The following CEP55 variants were observed in gnomAD, a reference collection of about 807,000 sequenced individuals.
The protein encoded by CEP55 is centrosomal protein of 55 kDa.
CEP55 carries 57 observed loss-of-function variants against 63.2 expected under a neutral mutation model. That is an observed-to-expected ratio of 0.90 (90% CI 0.73 to 1.13). The LOEUF (loss-of-function observed/expected upper bound fraction) is 1.13, where lower values mean the gene tolerates loss of function less well. Ranked by LOEUF, CEP55 falls within the 50% of genes most tolerant of loss-of-function variation. The probability of loss-of-function intolerance (pLI) is 0.00; values close to 1 mark genes in which losing one functional copy is unlikely to be tolerated. For missense variants in CEP55, 456 were observed against 518.9 expected (o/e 0.88, Z 1.18); for synonymous variants, 178 against 191.6 (o/e 0.93, Z 0.59).
intron 1 of CEP55, among the ~76,000 whole-genome samples, chr10:93,498,829 A>C (rs2057601645): frequency 6.7e-6 from 1 of 149,328 alleles, no homozygotes. Context: ...TTTTTAAACC[A>C]GTTTACACCC....
intron 8 of CEP55, among the ~76,000 whole-genome samples, chr10:93,523,651 A>G (rs573145178): frequency 1.3e-5 from 2 of 152,200 alleles, no homozygotes; most frequent in Non-Finnish European, 2.9e-5. Context: ...TCTCAGCACC[A>G]CACCGCACTT....
Position 93,519,746 on chromosome 10 carries a change from T to C in CEP55, c.1130T>C (p.Leu377Ser). The C allele has an allele frequency of 6.2e-7, 1 of 1,614,152 alleles. No individual in the cohort carries two copies. The highest frequency in any genetic ancestry group is 1.1e-5 in the South Asian group (1 of 91,080). Residue 377 changes from leucine to serine, a missense_variant, in exon 8 of 9, where the codon TTG becomes TCG. Transcript: ENST00000371485. ...GACCGTCAACATGTGCAGCATCAATTGCATGTAATTCTTAAGGAGCTCCGA... is the reference window on the plus strand; with the variant it reads ...GACCGTCAACATGTGCAGCATCAATCGCATGTAATTCTTAAGGAGCTCCGA... ...KLDRQHVQHQLHVILKELRKA... is the reference protein window; with the variant it reads ...KLDRQHVQHQSHVILKELRKA...
chr10:93,523,199 A>C (rs900717090), intron 8 of CEP55, among the ~76,000 whole-genome samples: 1 of 152,204 alleles, frequency 6.6e-6, no homozygotes, highest in Admixed American at 6.5e-5. Flanking sequence ...AACCCATCTC[A>C]CATGCAGTGA....
chr10:93,509,119 A>G (rs1472477189), intron 4 of CEP55, among the ~76,000 whole-genome samples: 1 of 152,172 alleles, frequency 6.6e-6, no homozygotes, highest in African/African-American at 2.4e-5. Context: ...CTTTTTAGGC[A>G]TCTCAGTGCT....
At chr10:93,523,901 G>A (rs989707428) in intron 8 of CEP55, among the ~76,000 whole-genome samples, 1 of 152,196 alleles carries the variant, frequency 6.6e-6, no homozygotes, top group Non-Finnish European at 1.5e-5. Flanking sequence ...TGAGAACAAA[G>A]ATGCAACATA....
At chr10:93,500,365 A>G (rs2134454779) in intron 2 of CEP55, 131 bp downstream of exon 2, 1 of 768,346 alleles carries the variant, frequency 1.3e-6, no homozygotes. Context: ...GAAAGCTGAC[A>G]TTGGGTTTAG....
chr10:93,528,409 T>C lies in CEP55; in HGVS notation c.*256T>C, dbSNP rs1431210482. On this transcript the variant is annotated 3_prime_UTR_variant, in exon 9 of 9. Transcript: ENST00000371485. ...GCGTCTACTGAGACTACTAACATTT[T>C]GCACTGTCAAAATACTTGGTGAGGA... 2.1e-6 allele frequency: 1 copy of C among 469,766 alleles called. No homozygotes were observed. Among genetic ancestry groups the C allele is most frequent in the African/African-American group, 2.0e-5 (1 of 50,478 alleles). 29.1% of individuals were successfully genotyped at this position (469,766 alleles called of 1,614,324 possible).
chr10:93,505,049 T>A (rs2057674545), intron 3 of CEP55, among the ~76,000 whole-genome samples: 1 of 152,172 alleles, frequency 6.6e-6, no homozygotes, highest in Middle Eastern at 3.2e-3. Context: ...TTACCTCAGG[T>A]GATCCGCCTG....
At chr10:93,498,176 A>G (rs966594906) in intron 1 of CEP55, among the ~76,000 whole-genome samples, 2 of 151,996 alleles carry the variant, frequency 1.3e-5, no homozygotes, top group Non-Finnish European at 2.9e-5. Context: ...AACAGAAAAA[A>G]GAAAATACAG....
At chr10:93,510,050 TTAAA>T (rs2057728835) in intron 4 of CEP55, among the ~76,000 whole-genome samples, 1 of 152,202 alleles carries the variant, frequency 6.6e-6, no homozygotes, top group Non-Finnish European at 1.5e-5. Context: ...TTTGTTATAT[TTAAA>T]TAAGCCCTAA....
At position 93,517,181 on chromosome 10, in the gene CEP55, A is replaced by C. The variant is rs377266477; in HGVS notation, c.926A>C (p.Glu309Ala). The C allele has an allele frequency of 8.7e-6, 14 of 1,613,440 alleles. No individual in the cohort carries two copies. Among genetic ancestry groups the C allele is most frequent in the Non-Finnish European group, 1.2e-5 (14 of 1,179,782 alleles). ...ACAGAGAAGATACAAAAACTCAGGG[A>C]AGAGAATGATATTGCTAGGGGAAAA... is the stretch of plus-strand genomic sequence containing the variant. ...HKTEKIQKLR[E>A]ENDIARGKLE... Residue 309 changes from glutamate to alanine, a missense_variant, in exon 6 of 9, where the codon GAA becomes GCA. Glu to Ala is a moderately radical substitution (Grantham distance 107, BLOSUM62 -1). Coordinates refer to ENST00000371485, the MANE Select transcript of CEP55 (RefSeq NM_018131.5).
chr10:93,504,610 T>C (rs1024244700), intron 3 of CEP55, among the ~76,000 whole-genome samples: 1 of 152,186 alleles, frequency 6.6e-6, no homozygotes, highest in African/African-American at 2.4e-5. Context: ...TGTATTTTCA[T>C]AGATGGGCGT....
Position 93,508,054 on chromosome 10 carries a change from C to T in CEP55, c.528+998C>T, listed in dbSNP as rs901010292. ...ATACTTCTCTTGAAACTAAGGTTTGCTTTCGTAGGTTGAAAAGGAAACGTT... is the reference window on the plus strand; with the variant it reads ...ATACTTCTCTTGAAACTAAGGTTTGTTTTCGTAGGTTGAAAAGGAAACGTT... On this transcript the variant is annotated intron_variant, in intron 4 of 8. Coordinates refer to ENST00000371485, the MANE Select transcript of CEP55 (RefSeq NM_018131.5). Among the ~76,000 whole-genome samples the T allele has an allele frequency of 1.1e-4, 17 of 152,226 alleles. No individual in the cohort carries two copies. In the South Asian group the frequency reaches 3.1e-3, roughly 28 times the overall value.
In CEP55 at chr10:93,503,317, C is replaced by A. The variant is rs1188931860; in HGVS notation, c.388C>A (p.Gln130Lys). Residue 130 changes from glutamine to lysine, a missense_variant, in exon 3 of 9, where the codon CAA (glutamine) becomes AAA (lysine). By Grantham distance (53) the Gln-to-Lys change is moderately conservative. Transcript: ENST00000371485. ...ALSEEKDVLK[Q>K]QLSAATSRIA... Reference sequence around the variant, plus strand: ...ATCTGAAGAGAAAGACGTATTGAAACAACAGTTGTCTGCTGCAACCTCACG... The same window carrying A: ...ATCTGAAGAGAAAGACGTATTGAAAAAACAGTTGTCTGCTGCAACCTCACG... The A allele has an allele frequency of 6.2e-7, 1 of 1,614,060 alleles. No homozygotes were observed. Among genetic ancestry groups the A allele is most frequent in the Non-Finnish European group, 8.5e-7 (1 of 1,180,028 alleles).
At chr10:93,501,972 T>C (rs2057640036) in intron 2 of CEP55, among the ~76,000 whole-genome samples, 1 of 152,224 alleles carries the variant, frequency 6.6e-6, no homozygotes, top group South Asian at 2.1e-4. Context: ...CTATAACTTC[T>C]ACCCATTTGT....
intron 3 of CEP55, 147 bp downstream of exon 3, chr10:93,503,535 T>C (rs2057656765): frequency 4.1e-6 from 3 of 739,952 alleles, no homozygotes; most frequent in Non-Finnish European, 6.4e-6. Flanking sequence ...TTCACTTTTT[T>C]TAATAGCCCA....
intron 4 of CEP55, among the ~76,000 whole-genome samples, chr10:93,507,773 C>G (rs901308810): frequency 4.6e-5 from 7 of 151,842 alleles, no homozygotes; most frequent in African/African-American, 1.7e-4. Context: ...CTCAGCCTCC[C>G]AAGTACCTGG....
chr10:93,513,948 C>G (rs1209504208), intron 4 of CEP55, among the ~76,000 whole-genome samples: 1 of 150,830 alleles, frequency 6.6e-6, no homozygotes, highest in Non-Finnish European at 1.5e-5. Flanking sequence ...CCTCCCCCTC[C>G]CCTTTTTTTT....
chr10:93,497,262 CTTTTCTT>C (rs1229318976), intron 1 of CEP55, among the ~76,000 whole-genome samples: 2 of 152,078 alleles, frequency 1.3e-5, no homozygotes, highest in Non-Finnish European at 1.5e-5. Context: ...CCAATCATTT[CTTTTCTT>C]TTTTCTTTTT....
Sources: gnomAD v4.1 joint callset for allele counts (sites outside exome capture counted in the v4.1 genomes callset) on GRCh38, gnomAD v4.1.1 for gene constraint, MANE v1.5 for transcripts, NCBI Gene and HGNC (gene_info 2026-07-23, HGNC 2026-07-21) for gene names.